KCNK10: variants seen among roughly 807,000 people sequenced by gnomAD.
KCNK10 encodes the protein potassium channel subfamily K member 10.
Under a neutral mutation model 47.7 loss-of-function variants are expected in KCNK10, and 25 were observed. The ratio of observed to expected loss-of-function variants is 0.52; its 90% CI spans 0.38 to 0.73. The LOEUF (loss-of-function observed/expected upper bound fraction) is 0.73, where lower values mean the gene tolerates loss of function less well. Ranked by LOEUF, KCNK10 falls within the 30% of genes least tolerant of loss-of-function variation. KCNK10 has a pLI of 0.00. For missense variants in KCNK10, 563 were observed against 714.5 expected (o/e 0.79, Z 2.42); for synonymous variants, 303 against 285.6 (o/e 1.06, Z -0.61).
At chr14:88,286,157 C>T (rs1260222530) in intron 1 of KCNK10, among the ~76,000 whole-genome samples, 3 of 152,096 alleles carry the variant, frequency 2.0e-5, no homozygotes, top group African/African-American at 7.2e-5. Flanking sequence ...GCCAAGATAC[C>T]TCCAGTTGAT....
chr14:88,311,186 G>C (rs894729153), intron 1 of KCNK10, among the ~76,000 whole-genome samples: 1 of 152,120 alleles, frequency 6.6e-6, no homozygotes, highest in Non-Finnish European at 1.5e-5. Flanking sequence ...CCCAGGTAAG[G>C]CCAGCACTAT....
At position 88,185,168 on chromosome 14, in the gene KCNK10, AC is replaced by A. The variant is rs1884499515; in HGVS notation, c.*366del. The A allele has an allele frequency of 8.9e-6, 2 of 225,712 alleles. No homozygotes were observed. The highest frequency in any genetic ancestry group is 1.6e-4 in the South Asian group (2 of 12,688). The allele number at this position is 225,712 out of a possible 1,614,324, so 14.0% of individuals were successfully genotyped here. On this transcript the variant is annotated 3_prime_UTR_variant, in exon 7 of 7. Coordinates refer to ENST00000319231, the MANE Select transcript of KCNK10 (RefSeq NM_138317.3). This position sits in a 1 kb window ranked among gnomAD's most constrained non-coding sequence, Gnocchi z 4.3. ...ATATTACTACGACTCCACTAAAAAG[AC>A]ACACCTGTTTCTTTCAGGAGGCTGG...
At chr14:88,232,773 C>T (rs949617370) in intron 3 of KCNK10, among the ~76,000 whole-genome samples, 17 of 152,238 alleles carry the variant, frequency 1.1e-4, no homozygotes, top group African/African-American at 3.9e-4. Context: ...GGTTTTGATG[C>T]ACATTTGTTT....
At chr14:88,299,232 A>T (rs1344669336) in intron 1 of KCNK10, among the ~76,000 whole-genome samples, 1 of 152,188 alleles carries the variant, frequency 6.6e-6, no homozygotes, top group East Asian at 1.9e-4. Flanking sequence ...AAGTGAACTG[A>T]ATTTGAGGAG....
intron 5 of KCNK10, among the ~76,000 whole-genome samples, chr14:88,189,276 G>A (rs1884672642): frequency 6.6e-6 from 1 of 152,164 alleles, no homozygotes; most frequent in Admixed American, 6.5e-5. Flanking sequence ...CTTAACGTTA[G>A]AATTCCAACT....
intron 3 of KCNK10, among the ~76,000 whole-genome samples, chr14:88,238,289 C>G (rs779757982): frequency 9.9e-5 from 15 of 152,204 alleles, no homozygotes; most frequent in Non-Finnish European, 1.9e-4. Context: ...CAGACCACTA[C>G]AATTTTCTCC....
chr14:88,320,268 G>A (rs1371800600), intron 1 of KCNK10, among the ~76,000 whole-genome samples: 1 of 152,060 alleles, frequency 6.6e-6, no homozygotes, highest in Non-Finnish European at 1.5e-5. Flanking sequence ...TTTTATTGAG[G>A]TTTTTTTCAT....
At position 88,185,652 on chromosome 14, in the gene KCNK10, G is replaced by A; in HGVS notation, c.1515C>T (p.Ser505=). The A allele has an allele frequency of 1.9e-6, 3 of 1,614,200 alleles. No homozygotes were observed. Among genetic ancestry groups the A allele is most frequent in the Non-Finnish European group, 2.5e-6 (3 of 1,180,042 alleles). The change falls in exon 7 of 7, where the codon AGC becomes AGT. Residue 505 remains serine (S), a synonymous_variant. Coordinates refer to ENST00000319231, the MANE Select transcript of KCNK10 (RefSeq NM_138317.3). This position sits in a 1 kb window ranked among gnomAD's most constrained non-coding sequence, Gnocchi z 4.3. The part of the protein sequence containing the change: ...TEKMCNSDNS[S]TAMLTDCIQQ... ...GGATACAGTCCGTCAGCATGGCTGT[G>A]CTGGAGTTGTCTGAGTTACACATCT...
At chr14:88,187,631 C>CCA (rs1315200649) in intron 6 of KCNK10, among the ~76,000 whole-genome samples, 4 of 149,026 alleles carry the variant, frequency 2.7e-5, no homozygotes, top group Non-Finnish European at 2.9e-5. Flanking sequence ...CTGCACCCCC[C>CCA]CACACACACA....
chr14:88,197,120 T>C (rs1161956700), intron 4 of KCNK10, among the ~76,000 whole-genome samples: 1 of 152,170 alleles, frequency 6.6e-6, no homozygotes, highest in Non-Finnish European at 1.5e-5. Context: ...TATATCCAGC[T>C]TCTGACTCTG....
intron 1 of KCNK10, among the ~76,000 whole-genome samples, chr14:88,312,648 A>G (rs562850700): frequency 6.6e-6 from 1 of 152,356 alleles, no homozygotes; most frequent in Non-Finnish European, 1.5e-5. Flanking sequence ...TCTGTAAGAG[A>G]AGTGGGACCA....
rs1003794417 is a variant in KCNK10, at chr14:88,260,284, C to T, written c.402+2918G>A. Reference sequence around the variant, plus strand: ...AAAGTGTGTAGCATCCCTCCCTTTGCTCTCTCTTCCTCCTGCTCCAGCCAT... The same window carrying T: ...AAAGTGTGTAGCATCCCTCCCTTTGTTCTCTCTTCCTCCTGCTCCAGCCAT... On this transcript the variant is annotated intron_variant, in intron 2 of 6. Transcript: ENST00000319231. This position sits in a 1 kb window ranked among gnomAD's most constrained non-coding sequence, Gnocchi z 4.5. Among the ~76,000 whole-genome samples the T allele has an allele frequency of 1.3e-5, 2 of 152,166 alleles. No homozygotes were observed. Among genetic ancestry groups the T allele is most frequent in the East Asian group, 3.9e-4 (2 of 5,184 alleles).
Position 88,263,188 on chromosome 14 carries a change from C to T in KCNK10, c.402+14G>A, listed in dbSNP as rs375591290. The T allele has an allele frequency of 1.2e-6, 2 of 1,604,346 alleles. No homozygotes were observed. The highest frequency in any genetic ancestry group is 1.3e-5 in the African/African-American group (1 of 74,760). ...CCCACCAGCTGGCCTAAGATGGACT[C>T]ACTCCCTGCTCACCTGGATCAACGT... On this transcript the variant is annotated intron_variant, in intron 2 of 6. Coordinates refer to ENST00000319231, the MANE Select transcript of KCNK10 (RefSeq NM_138317.3).
chr14:88,197,681 G>T (rs951909936), intron 4 of KCNK10, among the ~76,000 whole-genome samples: 1 of 145,776 alleles, frequency 6.9e-6, no homozygotes, highest in African/African-American at 2.5e-5. Context: ...AAAACTGGTT[G>T]CTGTTAACAT....
chr14:88,323,414 G>A (rs1467351287), upstream of KCNK10, among the ~76,000 whole-genome samples: 3 of 146,930 alleles, frequency 2.0e-5, no homozygotes, highest in Non-Finnish European at 3.0e-5. Context: ...GGCAGCGCGC[G>A]GCGAGGGCGA....
At chr14:88,311,428 C>G (rs139311945) in intron 1 of KCNK10, among the ~76,000 whole-genome samples, 2 of 152,212 alleles carry the variant, frequency 1.3e-5, no homozygotes, top group East Asian at 3.9e-4. Flanking sequence ...CCATGCCACA[C>G]CTCACTTTCC....
intron 2 of KCNK10, among the ~76,000 whole-genome samples, chr14:88,242,582 G>T (rs558891315): frequency 6.6e-6 from 1 of 152,248 alleles, no homozygotes; most frequent in South Asian, 2.1e-4. Context: ...ACTGTTTCTA[G>T]CAAAACCTGG....
chr14:88,206,941 A>G (rs1322247023), intron 4 of KCNK10, among the ~76,000 whole-genome samples: 1 of 152,188 alleles, frequency 6.6e-6, no homozygotes, highest in Non-Finnish European at 1.5e-5. Context: ...TGTATACTGT[A>G]TTTAAGAAGA....
intron 6 of KCNK10, among the ~76,000 whole-genome samples, chr14:88,187,142 A>G (rs1884590755): frequency 6.6e-6 from 1 of 152,214 alleles, no homozygotes; most frequent in Admixed American, 6.5e-5. Flanking sequence ...TAAACCAGGA[A>G]AATTAGCATA....
Sources: gnomAD v4.1 joint callset for allele counts (sites outside exome capture counted in the v4.1 genomes callset) on GRCh38, gnomAD v4.1.1 for gene constraint, Gnocchi (gnomAD v3.1) non-coding constraint, MANE v1.5 for transcripts, NCBI Gene and HGNC (gene_info 2026-07-23, HGNC 2026-07-21) for gene names.